FAM163A: variants seen among roughly 807,000 people sequenced by gnomAD.
FAM163A encodes protein FAM163A.
FAM163A carries 7 observed loss-of-function variants against 12.0 expected under a neutral mutation model. The observed-to-expected ratio is 0.58, with a 90% CI of 0.33 to 1.10. The LOEUF (loss-of-function observed/expected upper bound fraction) is 1.10, where lower values mean the gene tolerates loss of function less well. Ranked by LOEUF, FAM163A falls within the 50% of genes least tolerant of loss-of-function variation. The probability of loss-of-function intolerance (pLI) is 0.03; values close to 1 mark genes in which losing one functional copy is unlikely to be tolerated. For missense variants in FAM163A, 202 were observed against 218.6 expected, an observed-to-expected ratio of 0.92 and a Z score of 0.48; for synonymous variants, 101 against 91.0, an observed-to-expected ratio of 1.11 and a Z score of -0.62.
chr1:179,768,645 C>T (rs890369138), intron 1 of FAM163A, among the ~76,000 whole-genome samples: 2 of 151,014 alleles, frequency 1.3e-5, no homozygotes, highest in African/African-American at 2.4e-5. Flanking sequence ...CTCACTCTGT[C>T]GCCAGGCTGA....
chr1:179,743,731 G>T (rs1224914280), intron 1 of FAM163A, among the ~76,000 whole-genome samples: 1 of 152,186 alleles, frequency 6.6e-6, no homozygotes, highest in African/African-American at 2.4e-5. Context: ...TGGCCAGACC[G>T]CGGGTGGCGG....
chr1:179,765,520 G>A (rs1489200349), intron 1 of FAM163A, among the ~76,000 whole-genome samples: 1 of 152,154 alleles, frequency 6.6e-6, no homozygotes, highest in Non-Finnish European at 1.5e-5. Flanking sequence ...GGACAGGGGT[G>A]GGAGTTGCTT....
At chr1:179,728,377 G>A in the FAM163A span, among the ~76,000 whole-genome samples, 2 of 152,184 alleles carry the variant, frequency 1.3e-5, no homozygotes, top group African/African-American at 4.8e-5. Context: ...TAAGTGGCCT[G>A]TCAGAGTGCA....
intron 1 of FAM163A, among the ~76,000 whole-genome samples, chr1:179,777,473 C>T (rs1689137794): frequency 6.6e-6 from 1 of 152,098 alleles, no homozygotes; most frequent in Non-Finnish European, 1.5e-5. Flanking sequence ...CTTCGTGTGC[C>T]ACCCCCCACA....
intron 1 of FAM163A, among the ~76,000 whole-genome samples, chr1:179,788,884 C>T (rs12133344): frequency 0.19 from 29,427 of 152,152 alleles, 3,722 homozygotes; most frequent in Non-Finnish European, 0.27. Context: ...GTTTACCTGG[C>T]GCAGAGAATT....
chr1:179,732,880 C>CAA, the FAM163A span, among the ~76,000 whole-genome samples: 2,840 of 39,094 alleles, frequency 0.073, 606 homozygotes, highest in African/African-American at 0.15. Context: ...GACTCTGCCT[C>CAA]AAAAAAAAAA....
chr1:179,780,560 C>G (rs892794691), intron 1 of FAM163A, among the ~76,000 whole-genome samples: 1 of 152,202 alleles, frequency 6.6e-6, no homozygotes, highest in Admixed American at 6.5e-5. Flanking sequence ...GCAACATCAG[C>G]ATCACCTGGG....
intron 1 of FAM163A, among the ~76,000 whole-genome samples, chr1:179,758,088 G>A (rs1358133144): frequency 6.6e-6 from 1 of 152,204 alleles, no homozygotes; most frequent in Non-Finnish European, 1.5e-5. Flanking sequence ...AATATCTCGA[G>A]GGTATATTAA....
At chr1:179,748,802 C>T (rs913586506) in intron 1 of FAM163A, among the ~76,000 whole-genome samples, 3 of 152,222 alleles carry the variant, frequency 2.0e-5, no homozygotes, top group Admixed American at 6.5e-5. Context: ...GGGTGGAACT[C>T]AGACAACAGG....
At chr1:179,742,950 G>T (rs1051132029), upstream of FAM163A, among the ~76,000 whole-genome samples, 2 of 152,164 alleles carry the variant, frequency 1.3e-5, no homozygotes, top group African/African-American at 4.8e-5. Flanking sequence ...TCTTTCCAGT[G>T]GATAGCGACA....
At chr1:179,733,232 TAGAA>T in the FAM163A span, among the ~76,000 whole-genome samples, 38,709 of 151,980 alleles carry the variant, frequency 0.25, 5,528 homozygotes, top group East Asian at 0.62. Context: ...TACTAAGGCT[TAGAA>T]AGATTAACTT....
At chr1:179,783,153 CCATTCATT>C (rs1346232737) in intron 1 of FAM163A, among the ~76,000 whole-genome samples, 1 of 150,358 alleles carries the variant, frequency 6.7e-6, no homozygotes, top group Non-Finnish European at 1.5e-5. Flanking sequence ...AAGGAAAAAG[CCATTCATT>C]CATTCATTCA....
chr1:179,783,353 T>TA (rs1341883853), intron 1 of FAM163A, among the ~76,000 whole-genome samples: 1 of 152,194 alleles, frequency 6.6e-6, no homozygotes, highest in Non-Finnish European at 1.5e-5. Context: ...ACAATGACCT[T>TA]ATGTTGATAA....
rs140267839 is a variant in FAM163A, at chr1:179,798,299, A to G, written c.-135-9499A>G. On this transcript the variant is annotated intron_variant, in intron 1 of 4. Coordinates refer to ENST00000341785, the MANE Select transcript of FAM163A (RefSeq NM_173509.3). ...TCTCTAAGTGAGGGTGGAAGTTCCC[A>G]TCCGTGTGGCTGAGGGCATTGTTTT... 9.6e-3 allele frequency among the ~76,000 whole-genome samples: 1,466 copies of G among 152,230 alleles called. 26 individuals are homozygous for G. The highest frequency in any genetic ancestry group is 0.033 in the African/African-American group (1,387 of 41,540).
chr1:179,766,301 G>A (rs563853606), intron 1 of FAM163A, among the ~76,000 whole-genome samples: 119 of 152,240 alleles, frequency 7.8e-4, no homozygotes, highest in Middle Eastern at 6.8e-3. Context: ...GACCCACCTT[G>A]TTTGACTGTA....
chr1:179,809,554 G>A (rs1001819716), intron 2 of FAM163A, among the ~76,000 whole-genome samples: 12 of 152,326 alleles, frequency 7.9e-5, no homozygotes, highest in East Asian at 3.9e-4. Flanking sequence ...CCATGCCCCC[G>A]ATGTCCAGGC....
At chr1:179,813,746 C>T (rs748694211) in intron 4 of FAM163A, 33 bp from the exon 5 acceptor site, 15 of 1,611,828 alleles carry the variant, frequency 9.3e-6, no homozygotes, top group African/African-American at 1.3e-5. Context: ...GGAGCATTCA[C>T]CCTCTCAGGC....
At chr1:179,741,540 G>C (rs2147924169), upstream of FAM163A, among the ~76,000 whole-genome samples, 1 of 152,318 alleles carries the variant, frequency 6.6e-6, no homozygotes, top group East Asian at 1.9e-4. Flanking sequence ...TATCTAAAGT[G>C]CCAGAATGGA....
Position 179,756,381 on chromosome 1 carries a change from G to C in FAM163A, c.-136+12958G>C, listed in dbSNP as rs187026395. On this transcript the variant is annotated intron_variant, in intron 1 of 4. Coordinates refer to ENST00000341785, the MANE Select transcript of FAM163A (RefSeq NM_173509.3). ...TTAAGAGAGAAAATGTGCAGGACCT[G>C]GAGATTGATTGGATGTGAGGGGAGA... Among the ~76,000 whole-genome samples the C allele has an allele frequency of 3.9e-4, 58 of 150,634 alleles. 1 individual carries two copies. In the East Asian group the frequency reaches 0.01, roughly 27 times the overall value.
Sources: allele counts gnomAD v4.1 joint callset (sites outside exome capture counted in the v4.1 genomes callset), GRCh38; gene constraint gnomAD v4.1.1; transcripts MANE v1.5; gene names NCBI Gene and HGNC (gene_info 2026-07-23, HGNC 2026-07-21).